Variants in KIF26B observed in about 807,000 individuals in gnomAD.
The protein encoded by KIF26B is kinesin-like protein KIF26B.
In KIF26B, 63 loss-of-function variants were observed where a neutral mutation model predicts 151.2. That is an observed-to-expected ratio of 0.42 (90% CI 0.34 to 0.51). The LOEUF is 0.51. Among genes scored for constraint, KIF26B ranks in the 20% least tolerant of loss-of-function variants. The pLI, the probability that KIF26B is intolerant of heterozygous loss-of-function variation, is 0.07. For synonymous variants in KIF26B, 1,357 were observed against 1,262.1 expected, an observed-to-expected ratio of 1.08 and a Z score of -1.59; for missense variants, 2,813 against 2,913.6, an observed-to-expected ratio of 0.97 and a Z score of 0.79.
chr1:245,163,997 A>T lies in KIF26B; in HGVS notation c.465+7314A>T, dbSNP rs148292843. On this transcript the variant is annotated intron_variant, in intron 2 of 14. Coordinates refer to ENST00000407071, the MANE Select transcript of KIF26B (RefSeq NM_018012.4). ...CTAAGTGTTTTCTCTTTTTTGTTAC[A>T]TTGGCTGGTACTCCTGACACAATGT... Among the ~76,000 whole-genome samples the T allele has an allele frequency of 2.2e-3, 334 of 151,974 alleles. 2 individuals carry two copies. The highest frequency in any genetic ancestry group is 7.9e-3 in the African/African-American group (326 of 41,454).
At chr1:245,675,171 AC>A (rs1345472873) in intron 10 of KIF26B, among the ~76,000 whole-genome samples, 2 of 152,120 alleles carry the variant, frequency 1.3e-5, no homozygotes, top group African/African-American at 4.8e-5. Context: ...ACATTACATT[AC>A]CTTCCCGGCA....
At chr1:245,464,422 T>G (rs1208482032) in intron 4 of KIF26B, among the ~76,000 whole-genome samples, 2 of 145,250 alleles carry the variant, frequency 1.4e-5, no homozygotes, top group Non-Finnish European at 3.0e-5. Context: ...GGGGTGTGTG[T>G]GGGTGTGTGC....
chr1:245,243,340 C>T (rs1670245142), intron 2 of KIF26B, among the ~76,000 whole-genome samples: 1 of 152,098 alleles, frequency 6.6e-6, no homozygotes, highest in East Asian at 1.9e-4. Flanking sequence ...GTTTCCCCTT[C>T]CATGACCTAA....
chr1:245,156,779 C>G (rs1046957353), intron 2 of KIF26B, 96 bp downstream of exon 2: 11 of 742,860 alleles, frequency 1.5e-5, no homozygotes, highest in Non-Finnish European at 2.1e-5. Flanking sequence ...CCTTGCGCGC[C>G]GGCTCCACGC....
intron 4 of KIF26B, among the ~76,000 whole-genome samples, chr1:245,462,399 T>TC: frequency 6.6e-6 from 1 of 152,226 alleles, no homozygotes; most frequent in South Asian, 2.1e-4. Flanking sequence ...ATCTACAATG[T>TC]GCTAAAGTCG....
intron 5 of KIF26B, among the ~76,000 whole-genome samples, chr1:245,565,244 G>A (rs2042997561): frequency 6.6e-6 from 1 of 152,034 alleles, no homozygotes; most frequent in African/African-American, 2.4e-5. Context: ...TCAGAGCACA[G>A]TGAATTCGAG....
At chr1:245,400,339 A>G (rs1673965411) in intron 3 of KIF26B, among the ~76,000 whole-genome samples, 1 of 152,160 alleles carries the variant, frequency 6.6e-6, no homozygotes, top group South Asian at 2.1e-4. Context: ...ACATTCGCCT[A>G]TTTTACCATG....
At chr1:245,588,807 T>A (rs1259894201) in intron 5 of KIF26B, among the ~76,000 whole-genome samples, 1 of 152,120 alleles carries the variant, frequency 6.6e-6, no homozygotes, top group Non-Finnish European at 1.5e-5. Flanking sequence ...CTGAGTGGAA[T>A]TGAACAGATG....
At chr1:245,590,436 T>G (rs1263611481) in intron 5 of KIF26B, among the ~76,000 whole-genome samples, 1 of 152,256 alleles carries the variant, frequency 6.6e-6, no homozygotes, top group Admixed American at 6.5e-5. Flanking sequence ...CAAAAATTCC[T>G]TCTGTGCTAT....
chr1:245,570,271 A>G lies in KIF26B; in HGVS notation c.1350+29321A>G, dbSNP rs531534511. Among the ~76,000 whole-genome samples the G allele has an allele frequency of 1.2e-3, 183 of 152,146 alleles. 2 individuals carry two copies. Among genetic ancestry groups the G allele is most frequent in the African/African-American group, 4.2e-3 (174 of 41,514 alleles). ...ATTTTTGATTTCCACTTTATAGATGAGAGAATTGAAATTCAGGTTAATGAT... is the reference window on the plus strand; with the variant it reads ...ATTTTTGATTTCCACTTTATAGATGGGAGAATTGAAATTCAGGTTAATGAT... On this transcript the variant is annotated intron_variant, in intron 5 of 14. Transcript: ENST00000407071.
intron 2 of KIF26B, among the ~76,000 whole-genome samples, chr1:245,279,307 T>C (rs1670995836): frequency 1.2e-5 from 1 of 86,240 alleles, no homozygotes; most frequent in African/African-American, 4.7e-5. Context: ...TTTTTCTTTC[T>C]TTTTTTTTTT....
intron 4 of KIF26B, among the ~76,000 whole-genome samples, chr1:245,470,685 C>T (rs1023738093): frequency 1.3e-5 from 2 of 152,158 alleles, no homozygotes; most frequent in Non-Finnish European, 2.9e-5. Flanking sequence ...CCGCCTCGGC[C>T]TCCCAAAGTG....
At chr1:245,164,986 G>A (rs924417762) in intron 2 of KIF26B, among the ~76,000 whole-genome samples, 8 of 152,204 alleles carry the variant, frequency 5.3e-5, no homozygotes, top group East Asian at 1.9e-4. Context: ...CAGGAGAATC[G>A]CTTGAGCCCG....
chr1:245,569,925 G>C, intron 5 of KIF26B, among the ~76,000 whole-genome samples: 1 of 111,520 alleles, frequency 9.0e-6, no homozygotes, highest in South Asian at 3.2e-4. Flanking sequence ...TGTAAATAGA[G>C]AATTTTTTTT....
chr1:245,455,182 T>A (rs1404898115), intron 4 of KIF26B, among the ~76,000 whole-genome samples: 1 of 152,160 alleles, frequency 6.6e-6, no homozygotes. Flanking sequence ...TAATGATTTC[T>A]GAACCCCTAA....
chr1:245,155,087 T>A lies in KIF26B; in HGVS notation c.-338T>A, dbSNP rs1185998923. The A allele has an allele frequency of 2.0e-6, 1 of 489,258 alleles. No homozygotes were observed. The highest frequency in any genetic ancestry group is 3.5e-5 in the East Asian group (1 of 28,766). 30.3% of individuals were successfully genotyped at this position (489,258 alleles called of 1,614,324 possible). A position where few individuals can be genotyped will look rare whatever the true frequency, so the allele number is the denominator to read the frequency against. On this transcript the variant is annotated 5_prime_UTR_variant, in exon 1 of 15. Coordinates refer to ENST00000407071, the MANE Select transcript of KIF26B (RefSeq NM_018012.4). The stretch of plus-strand genomic sequence containing the variant: ...CGAGCCCTGATTGTATCCCTCGCTT[T>A]CCTCGTGGGGGAGCACGGACTGACT...
At chr1:245,231,877 C>T (rs1670006491) in intron 2 of KIF26B, among the ~76,000 whole-genome samples, 1 of 152,228 alleles carries the variant, frequency 6.6e-6, no homozygotes, top group African/African-American at 2.4e-5. Context: ...TTAAATCCAG[C>T]CCATCTGTCT....
intron 3 of KIF26B, among the ~76,000 whole-genome samples, chr1:245,416,889 C>T (rs115896226): frequency 0.016 from 2,426 of 152,274 alleles, 68 homozygotes; most frequent in African/African-American, 0.055. Flanking sequence ...CAAATGAGAA[C>T]ATGATCTTTT....
intron 4 of KIF26B, among the ~76,000 whole-genome samples, chr1:245,527,524 C>CTGTTTTTTTT (rs1661263700): frequency 2.0e-5 from 1 of 50,722 alleles, no homozygotes; most frequent in African/African-American, 9.8e-5. Flanking sequence ...TTTGGGATGG[C>CTGTTTTTTTT]TTTTTTTTTT....
Sources: gnomAD v4.1 joint callset for allele counts (sites outside exome capture counted in the v4.1 genomes callset) on GRCh38, gnomAD v4.1.1 for gene constraint, MANE v1.5 for transcripts, NCBI Gene and HGNC (gene_info 2026-07-23, HGNC 2026-07-21) for gene names.